The following ADGRV1 variants were observed in gnomAD, a reference collection of about 807,000 sequenced individuals.
ADGRV1 encodes the protein G-protein coupled receptor 98.
Under a neutral mutation model 596.2 loss-of-function variants are expected in ADGRV1, and 359 were observed. That is an observed-to-expected ratio of 0.60 (90% CI 0.55 to 0.66). The LOEUF is 0.66. Ranked by LOEUF, ADGRV1 falls within the 30% of genes least tolerant of loss-of-function variation. The probability of loss-of-function intolerance (pLI) is 0.00; values close to 1 mark genes in which losing one functional copy is unlikely to be tolerated. For synonymous variants in ADGRV1, 2,681 were observed against 2,679.2 expected (o/e 1.00, Z -0.02); for missense variants, 7,274 against 7,575.6 (o/e 0.96, Z 1.48).
chr5:90,801,287 C>T (rs558743033), intron 70 of ADGRV1, among the ~76,000 whole-genome samples: 94 of 152,146 alleles, frequency 6.2e-4, no homozygotes, highest in Non-Finnish European at 1.0e-3. Context: ...ATTTAATTAC[C>T]GCTCCCTGGG....
intron 78 of ADGRV1, among the ~76,000 whole-genome samples, chr5:90,844,441 C>T (rs925655856): frequency 1.2e-3 from 175 of 152,124 alleles, no homozygotes; most frequent in Non-Finnish European, 2.5e-4. Context: ...GCTTTAAATG[C>T]CTCACTATAA....
At position 90,625,224 on chromosome 5, in the gene ADGRV1, T is replaced by A; in HGVS notation, c.653T>A (p.Leu218Ter). The A allele has an allele frequency of 1.2e-6, 2 of 1,611,448 alleles. No homozygotes were observed. The highest frequency in any genetic ancestry group is 1.7e-6 in the Non-Finnish European group (2 of 1,177,784). ...GGCAGAGCAACAGTAATTTATAACTTGACAGTACTCGATGACGAGGTTGGC... is the reference window on the plus strand; with the variant it reads ...GGCAGAGCAACAGTAATTTATAACTAGACAGTACTCGATGACGAGGTTGGC... ...PPGRATVIYNLTVLDDEVPEN... is the reference protein window; with the variant it reads ...PPGRATVIYN The change falls in exon 6 of 90, where the codon TTG becomes TAG. Residue 218 changes from leucine (L) to a stop codon, truncating the protein, a stop_gained. Transcript: ENST00000405460. LOFTEE classifies it high-confidence loss of function.
rs554765791 is a variant in ADGRV1 at position 90,928,496 on chromosome 5, C to T, written c.17857-36919C>T. On this transcript the variant is annotated intron_variant, in intron 83 of 89. Coordinates refer to ENST00000405460, the MANE Select transcript of ADGRV1 (RefSeq NM_032119.4). ...TTTCAGCTCCATCAGCTCCTTTAAG[C>T]AGTTCCCTGTATTGCTTATTCTAGT... 6.0e-5 allele frequency among the ~76,000 whole-genome samples: 9 copies of T among 149,916 alleles called. 1 individual carries two copies. The highest frequency in any genetic ancestry group is 1.9e-4 in the East Asian group (1 of 5,140).
At chr5:91,163,421 T>C (rs1797115959) in intron 89 of ADGRV1, among the ~76,000 whole-genome samples, 2 of 152,322 alleles carry the variant, frequency 1.3e-5, no homozygotes, top group East Asian at 3.9e-4. Context: ...CAGCAAATCC[T>C]ACCCCACTGG....
In ADGRV1 at chr5:90,714,753, T is replaced by C. The variant is rs181355726; in HGVS notation, c.9185-1714T>C. Among the ~76,000 whole-genome samples, 25 of 152,250 alleles carry C rather than the reference T, an allele frequency of 1.6e-4. 1 individual carries two copies. The highest frequency in any genetic ancestry group is 5.8e-4 in the African/African-American group (24 of 41,578). On this transcript the variant is annotated intron_variant, in intron 42 of 89. Coordinates refer to ENST00000405460, the MANE Select transcript of ADGRV1 (RefSeq NM_032119.4). ...AACATGAAATATCTACCCTTCTTTT[T>C]TTCCTTTTTTCTATCCATCTACCTA...
At chr5:90,877,331 T>C (rs1769311843) in intron 83 of ADGRV1, among the ~76,000 whole-genome samples, 1 of 152,334 alleles carries the variant, frequency 6.6e-6, no homozygotes, top group East Asian at 1.9e-4. Flanking sequence ...GAGCTACTCC[T>C]GGGCAGACCT....
At chr5:90,995,499 A>ATT (rs1781339254) in intron 85 of ADGRV1, among the ~76,000 whole-genome samples, 1 of 152,072 alleles carries the variant, frequency 6.6e-6, no homozygotes, top group East Asian at 1.9e-4. Flanking sequence ...AATTAAACCT[A>ATT]TTTTCTTCAT....
intron 87 of ADGRV1, among the ~76,000 whole-genome samples, chr5:91,141,884 G>A (rs1562271837): frequency 6.6e-6 from 1 of 152,150 alleles, no homozygotes; most frequent in African/African-American, 2.4e-5. Context: ...GAGCATGGCA[G>A]TATGCAAACC....
At chr5:90,939,015 AATGTT>A (rs1775950315) in intron 83 of ADGRV1, among the ~76,000 whole-genome samples, 1 of 152,194 alleles carries the variant, frequency 6.6e-6, no homozygotes, top group South Asian at 2.1e-4. Flanking sequence ...CAGTTATTCT[AATGTT>A]ATTGTTATGG....
intron 58 of ADGRV1, 152 bp downstream of exon 58, chr5:90,759,740 CAGATCACGAGGTCAGG>C (rs1756263697): frequency 1.5e-6 from 1 of 667,950 alleles, no homozygotes; most frequent in Admixed American, 2.1e-5. Context: ...CCGCAGCGGG[CAGATCACGAGGTCAGG>C]AGATTGACAC....
chr5:90,688,200 A>T (rs1580741731), intron 29 of ADGRV1, among the ~76,000 whole-genome samples: 1 of 152,204 alleles, frequency 6.6e-6, no homozygotes, highest in Non-Finnish European at 1.5e-5. Context: ...AAACAGAGAT[A>T]TAGATCAATG....
intron 89 of ADGRV1, among the ~76,000 whole-genome samples, chr5:91,156,196 A>G (rs1310800917): frequency 6.6e-6 from 1 of 152,204 alleles, no homozygotes; most frequent in Non-Finnish European, 1.5e-5. Flanking sequence ...TGATATTTGA[A>G]GCTATGGAGA....
intron 85 of ADGRV1, among the ~76,000 whole-genome samples, chr5:91,008,624 C>T (rs1224886906): frequency 2.6e-5 from 4 of 152,218 alleles, no homozygotes; most frequent in Non-Finnish European, 4.4e-5. Flanking sequence ...GTGCCTCAGC[C>T]TCCCAAGTAG....
chr5:91,004,400 T>C (rs114568937), intron 85 of ADGRV1, among the ~76,000 whole-genome samples: 71 of 152,176 alleles, frequency 4.7e-4, no homozygotes, highest in African/African-American at 1.6e-3. Flanking sequence ...ATTTATCGGC[T>C]TTATAAATTA....
rs191815064 is a variant in ADGRV1 at position 91,153,445 on chromosome 5, T to C, written c.18802+47T>C. The C allele has an allele frequency of 2.4e-5, 33 of 1,353,166 alleles. No individual in the cohort carries two copies. In the African/African-American group the frequency reaches 4.1e-4, roughly 17 times the overall value. The allele number at this position is 1,353,166 out of a possible 1,614,324, so 83.8% of individuals were successfully genotyped here. ...ACATTAGAAGTAGGCACTCTTGCTA[T>C]GTTACAATTTATATTTTCTTTCCAT... On this transcript the variant is annotated intron_variant, in intron 89 of 89. Transcript: ENST00000405460.
chr5:90,885,898 A>G (rs1770234625), intron 83 of ADGRV1, among the ~76,000 whole-genome samples: 1 of 151,818 alleles, frequency 6.6e-6, no homozygotes, highest in Non-Finnish European at 1.5e-5. Flanking sequence ...GGGAGGAAGA[A>G]AGGAAGGGAG....
intron 83 of ADGRV1, among the ~76,000 whole-genome samples, chr5:90,890,739 G>GC: frequency 6.6e-6 from 1 of 151,924 alleles, no homozygotes; most frequent in Non-Finnish European, 1.5e-5. Flanking sequence ...ATTCAGTTTG[G>GC]CCCCCAAATT....
intron 2 of ADGRV1, among the ~76,000 whole-genome samples, chr5:90,615,940 T>A (rs1211836299): frequency 1.3e-5 from 2 of 152,002 alleles, no homozygotes; most frequent in Admixed American, 6.6e-5. Context: ...ATTTTTACAG[T>A]TACGAATGTT....
In ADGRV1 at chr5:90,778,590, G is replaced by A; in HGVS notation, c.12830G>A (p.Arg4277Gln). ...TTTGCCTTTTCACATGAGCAACTTCGAGTGTCAGAAGCACAGAGGGTATAG... is the reference window on the plus strand; with the variant it reads ...TTTGCCTTTTCACATGAGCAACTTCAAGTGTCAGAAGCACAGAGGGTATAG... ...GRFAFSHEQL[R>Q]VSEAQRVNIT... Residue 4277 changes from arginine to glutamine, a missense_variant, in exon 63 of 90, where the codon CGA (arginine) becomes CAA (glutamine). Physicochemically the swap from Arg to Gln is conservative, Grantham distance 43. This residue lies in a region of ADGRV1 where 3,643 missense variants were observed against 3,809.2 expected (regional missense o/e 0.96). Coordinates refer to ENST00000405460, the MANE Select transcript of ADGRV1 (RefSeq NM_032119.4). 1 of 1,601,254 alleles carries A rather than the reference G, an allele frequency of 6.2e-7. No homozygotes were observed. Among genetic ancestry groups the A allele is most frequent in the Non-Finnish European group, 8.5e-7 (1 of 1,172,790 alleles).
Sources: gnomAD v4.1 joint callset for allele counts (sites outside exome capture counted in the v4.1 genomes callset) on GRCh38, gnomAD v4.1.1 for gene constraint, gnomAD v4.1.1 regional missense constraint, MANE v1.5 for transcripts, NCBI Gene and HGNC (gene_info 2026-07-23, HGNC 2026-07-21) for gene names.